Variants in KCNJ12 observed in about 807,000 individuals in gnomAD.
KCNJ12 encodes ATP-sensitive inward rectifier potassium channel 12.
KCNJ12 carries 2 observed loss-of-function variants against 22.3 expected under a neutral mutation model. The observed-to-expected ratio is 0.09, with a 90% CI of 0.04 to 0.28. The LOEUF is 0.28. Among genes scored for constraint, KCNJ12 ranks in the 10% least tolerant of loss-of-function variants. KCNJ12 has a pLI of 1.00. For missense variants in KCNJ12, 155 were observed against 633.3 expected, an observed-to-expected ratio of 0.24 and a Z score of 8.11; for synonymous variants, 117 against 261.4, an observed-to-expected ratio of 0.45 and a Z score of 5.33.
rs924663687 is a variant in KCNJ12 at position 21,376,932 on chromosome 17, G to A, written c.-179+19G>A. 2 of 151,964 alleles carry A rather than the reference G, an allele frequency of 1.3e-5. No individual in the cohort carries two copies. Among genetic ancestry groups the A allele is most frequent in the African/African-American group, 2.4e-5 (1 of 41,424 alleles). 9.4% of individuals were successfully genotyped at this position (151,964 alleles called of 1,614,324 possible). A position where few individuals can be genotyped will look rare whatever the true frequency, so the allele number is the denominator to read the frequency against. ...GACCGAGGTAAGTGCGCGGCCGCGGGCGCATGGTCCCTCCCGGGCCCGGCC... is the reference window on the plus strand; with the variant it reads ...GACCGAGGTAAGTGCGCGGCCGCGGACGCATGGTCCCTCCCGGGCCCGGCC... On this transcript the variant is annotated intron_variant, in intron 1 of 2. Transcript: ENST00000583088. This position sits in a 1 kb window ranked among gnomAD's most constrained non-coding sequence, Gnocchi z 5.3.
In KCNJ12 at chr17:21,376,920, G is replaced by A. The variant is rs1227618062; in HGVS notation, c.-179+7G>A. ...GCCCGGGCCACTGACCGAGGTAAGT[G>A]CGCGGCCGCGGGCGCATGGTCCCTC... On this transcript the variant is annotated splice_region_variant and intron_variant, in intron 1 of 2. Transcript: ENST00000583088. This position sits in a 1 kb window ranked among gnomAD's most constrained non-coding sequence, Gnocchi z 5.3. 1 of 151,864 alleles carries A rather than the reference G, an allele frequency of 6.6e-6. No homozygotes were observed. The highest frequency in any genetic ancestry group is 1.5e-5 in the Non-Finnish European group (1 of 67,926). 9.4% of individuals were successfully genotyped at this position (151,864 alleles called of 1,614,324 possible).
intron 1 of KCNJ12, among the ~76,000 whole-genome samples, chr17:21,383,853 A>G (rs1904973942): frequency 6.6e-6 from 1 of 152,226 alleles, no homozygotes; most frequent in Non-Finnish European, 1.5e-5. Context: ...TGGGTGGGGC[A>G]GGATGAAATA....
chr17:21,388,160 C>G (rs1262703962), intron 1 of KCNJ12, among the ~76,000 whole-genome samples: 1 of 152,204 alleles, frequency 6.6e-6, no homozygotes, highest in Non-Finnish European at 1.5e-5. Flanking sequence ...GTTTTCCTGA[C>G]CTTATCCTTC....
intron 1 of KCNJ12, among the ~76,000 whole-genome samples, chr17:21,384,324 G>C (rs537460192): frequency 6.6e-6 from 1 of 152,168 alleles, no homozygotes; most frequent in Admixed American, 6.5e-5. Flanking sequence ...ACCGAAGTCC[G>C]TGAGTCATGG....
At chr17:21,402,128 TC>T (rs1905651333) in intron 1 of KCNJ12, among the ~76,000 whole-genome samples, 1 of 152,280 alleles carries the variant, frequency 6.6e-6, no homozygotes. Context: ...TGCCTCCCTT[TC>T]CCCCACCTCC....
At chr17:21,380,194 T>G (rs1162738321) in intron 1 of KCNJ12, among the ~76,000 whole-genome samples, 2 of 152,178 alleles carry the variant, frequency 1.3e-5, no homozygotes, top group African/African-American at 4.8e-5. Flanking sequence ...TAGGACCTAG[T>G]TAAGCCCTGG....
intron 1 of KCNJ12, among the ~76,000 whole-genome samples, chr17:21,402,706 G>A (rs1458328863): frequency 6.6e-6 from 1 of 152,308 alleles, no homozygotes; most frequent in Non-Finnish European, 1.5e-5. Context: ...AGCTAAGAAA[G>A]CAACTGTAAC....
Position 21,419,250 on chromosome 17 carries a change from CT to C in KCNJ12, c.*2608del, listed in dbSNP as rs1209254570. The C allele has an allele frequency of 6.0e-6, 1 of 166,620 alleles. No homozygotes were observed. The highest frequency in any genetic ancestry group is 2.4e-5 in the African/African-American group (1 of 41,224). The allele number at this position is 166,620 out of a possible 1,614,324, so 10.3% of individuals were successfully genotyped here. A position where few individuals can be genotyped will look rare whatever the true frequency, so the allele number is the denominator to read the frequency against. On this transcript the variant is annotated 3_prime_UTR_variant, in exon 3 of 3. Coordinates refer to ENST00000583088, the MANE Select transcript of KCNJ12 (RefSeq NM_021012.5). ...GTGGTGCACACATGCACACTCGGCT[CT>C]TCATGTGTATGACTGGGTTAGTAAT...
intron 1 of KCNJ12, among the ~76,000 whole-genome samples, chr17:21,397,326 C>T (rs1421252608): frequency 6.6e-6 from 1 of 152,238 alleles, no homozygotes; most frequent in Non-Finnish European, 1.5e-5. Context: ...GAGCAAGGGC[C>T]ACCCCAAAGA....
In KCNJ12 at chr17:21,419,340, TTATG is replaced by T. The variant is rs1907020973; in HGVS notation, c.*2698_*2701del. Reference sequence around the variant, plus strand: ...TGTGTGTGTGTGTGTATGCAGGCGGTTATGTGTCTGTCTACCCCCAGGTGTTTCC... The same window carrying T: ...TGTGTGTGTGTGTGTATGCAGGCGGTTGTCTGTCTACCCCCAGGTGTTTCC... On this transcript the variant is annotated 3_prime_UTR_variant, in exon 3 of 3. Transcript: ENST00000583088. The T allele has an allele frequency of 1.8e-5, 3 of 162,912 alleles. No homozygotes were observed. Among genetic ancestry groups the T allele is most frequent in the African/African-American group, 7.6e-5 (3 of 39,710 alleles). The allele number at this position is 162,912 out of a possible 1,614,324, so 10.1% of individuals were successfully genotyped here.
intron 1 of KCNJ12, among the ~76,000 whole-genome samples, chr17:21,395,622 T>C (rs1428585304): frequency 1.5e-5 from 2 of 133,674 alleles, no homozygotes; most frequent in Non-Finnish European, 3.2e-5. Flanking sequence ...AAGGAAATAA[T>C]GGACGTGATG....
At chr17:21,384,821 G>A (rs1272172815) in intron 1 of KCNJ12, among the ~76,000 whole-genome samples, 1 of 147,880 alleles carries the variant, frequency 6.8e-6, no homozygotes, top group South Asian at 2.1e-4. Context: ...CGCCCAGGCT[G>A]GAGTGCAATG....
At chr17:21,390,851 G>A (rs4985784) in intron 1 of KCNJ12, among the ~76,000 whole-genome samples, 88,086 of 152,088 alleles carry the variant, frequency 0.58, 26,107 homozygotes, top group African/African-American at 0.7. Context: ...CCATTTAAAA[G>A]TGAACAATTC....
At chr17:21,378,861 A>G (rs1555557593) in intron 1 of KCNJ12, among the ~76,000 whole-genome samples, 1 of 151,926 alleles carries the variant, frequency 6.6e-6, no homozygotes, top group African/African-American at 2.4e-5. Context: ...AAAACCCCAT[A>G]AGGTTTCCAG....
At chr17:21,382,754 GGCCAGGTGTGCA>G (rs1904916254) in intron 1 of KCNJ12, among the ~76,000 whole-genome samples, 1 of 152,170 alleles carries the variant, frequency 6.6e-6, no homozygotes, top group Admixed American at 6.5e-5. Context: ...GTGCCCGGTT[GGCCAGGTGTGCA>G]GCCAGGTGTG....
At chr17:21,406,478 G>A (rs551746499) in intron 1 of KCNJ12, among the ~76,000 whole-genome samples, 10 of 152,404 alleles carry the variant, frequency 6.6e-5, no homozygotes, top group Admixed American at 5.2e-4. Context: ...GCTGAGAGAG[G>A]CAAAGTGTAG....
intron 1 of KCNJ12, among the ~76,000 whole-genome samples, chr17:21,383,075 G>A (rs978626864): frequency 1.3e-5 from 2 of 152,186 alleles, no homozygotes; most frequent in Non-Finnish European, 2.9e-5. Context: ...GCAGGGGAGG[G>A]GCCGGGGAGA....
chr17:21,383,289 C>T (rs1904946900), intron 1 of KCNJ12, among the ~76,000 whole-genome samples: 1 of 152,224 alleles, frequency 6.6e-6, no homozygotes, highest in Non-Finnish European at 1.5e-5. Context: ...AAATCGCTGC[C>T]AGCAGCTGGC....
At chr17:21,411,378 G>C (rs566489728) in intron 2 of KCNJ12, among the ~76,000 whole-genome samples, 1 of 152,192 alleles carries the variant, frequency 6.6e-6, no homozygotes, top group Non-Finnish European at 1.5e-5. Context: ...AGGGATCTCC[G>C]GGGGTCTGCC....
Sources: allele counts gnomAD v4.1 joint callset (sites outside exome capture counted in the v4.1 genomes callset), GRCh38; gene constraint gnomAD v4.1.1; non-coding constraint Gnocchi (gnomAD v3.1); transcripts MANE v1.5; gene names NCBI Gene and HGNC (gene_info 2026-07-23, HGNC 2026-07-21).